Variants in ANK2 observed in about 807,000 individuals in gnomAD.
ANK2 encodes the protein ankyrin 2, also known as ankyrin-2.
In ANK2, 83 loss-of-function variants were observed where a neutral mutation model predicts 360.5. The observed-to-expected ratio is 0.23, with a 90% confidence interval of 0.19 to 0.28. ANK2 has a LOEUF of 0.28. ANK2 is among the 10% of genes least tolerant of loss of function. The pLI is 1.00. For missense variants in ANK2, 4,201 were observed against 4,795.7 expected, an observed-to-expected ratio of 0.88 and a Z score of 3.66; for synonymous variants, 1,740 against 1,759.5, an observed-to-expected ratio of 0.99 and a Z score of 0.28.
chr4:113,096,621 T>A (rs2091151525), intron 1 of ANK2, among the ~76,000 whole-genome samples: 1 of 152,206 alleles, frequency 6.6e-6, no homozygotes. Context: ...ATCACATAGT[T>A]ACATGACCAT....
intron 2 of ANK2, among the ~76,000 whole-genome samples, chr4:113,025,597 C>CA (rs1231374562): frequency 1.3e-5 from 2 of 152,202 alleles, no homozygotes; most frequent in Non-Finnish European, 2.9e-5. Context: ...ATCATGCCTT[C>CA]ATTCCTTCAA....
intron 2 of ANK2, among the ~76,000 whole-genome samples, chr4:112,998,265 G>A (rs939325301): frequency 3.3e-5 from 5 of 151,918 alleles, no homozygotes; most frequent in Non-Finnish European, 5.9e-5. Flanking sequence ...TCTGCCTTTT[G>A]TAGGTGCAAT....
the ANK2 span, among the ~76,000 whole-genome samples, chr4:112,740,703 A>G: frequency 1.3e-5 from 2 of 151,938 alleles, no homozygotes; most frequent in South Asian, 4.2e-4. Flanking sequence ...CTCCATCTCA[A>G]AAAAGAAGAA....
intron 27 of ANK2, 39 bp downstream of exon 27, chr4:113,330,509 G>T: frequency 6.3e-7 from 1 of 1,595,900 alleles, no homozygotes; most frequent in Non-Finnish European, 8.6e-7. Flanking sequence ...AGTCATCGAT[G>T]AGCTTGTGTC....
At chr4:112,813,689 C>T (rs532327723), upstream of ANK2, among the ~76,000 whole-genome samples, 1 of 152,232 alleles carries the variant, frequency 6.6e-6, no homozygotes, top group African/African-American at 2.4e-5. Context: ...GTGTGCACCA[C>T]CATGCCCAGC....
intron 1 of ANK2, among the ~76,000 whole-genome samples, chr4:112,857,959 G>A (rs1184143315): frequency 6.6e-6 from 1 of 152,118 alleles, no homozygotes; most frequent in Admixed American, 6.5e-5. Flanking sequence ...TAACTCAATA[G>A]GAAGTAGAAC....
chr4:112,716,977 T>C, the ANK2 span, among the ~76,000 whole-genome samples: 1 of 152,228 alleles, frequency 6.6e-6, no homozygotes, highest in South Asian at 2.1e-4. Context: ...TGTCAAGTGC[T>C]ACATCTGGAA....
At chr4:113,199,341 C>G (rs1270493709) in intron 4 of ANK2, among the ~76,000 whole-genome samples, 2 of 152,042 alleles carry the variant, frequency 1.3e-5, no homozygotes, top group African/African-American at 4.8e-5. Flanking sequence ...ATCATTGTCT[C>G]TAAGTATTTT....
At chr4:112,952,648 G>A (rs1217758022) in intron 2 of ANK2, among the ~76,000 whole-genome samples, 1 of 152,086 alleles carries the variant, frequency 6.6e-6, no homozygotes, top group Non-Finnish European at 1.5e-5. Context: ...AAGCCTTTGA[G>A]CATCTTTTTA....
chr4:112,945,787 C>A (rs903914173), intron 2 of ANK2, among the ~76,000 whole-genome samples: 5 of 152,118 alleles, frequency 3.3e-5, no homozygotes, highest in Non-Finnish European at 7.4e-5. Context: ...ACATGAGGAG[C>A]CGAAGCTTTA....
Position 113,348,268 on chromosome 4 carries a change from G to A in ANK2, c.4372-8G>A, listed in dbSNP as rs771323413. On this transcript the variant is annotated splice_region_variant and splice_polypyrimidine_tract_variant and intron_variant, in intron 35 of 45. Transcript: ENST00000357077. ...TTTCCATCTTGCATGGCATCTTGGG[G>A]CGGAAAGGAATCAGAGTCAGATCAA... is the stretch of plus-strand genomic sequence containing the variant. The A allele has an allele frequency of 1.4e-5, 22 of 1,613,066 alleles. No individual in the cohort carries two copies. The Admixed American group carries it at 2.2e-4, about 16-fold the overall frequency.
intron 1 of ANK2, among the ~76,000 whole-genome samples, chr4:113,125,346 T>TATAAAAATA: frequency 6.6e-6 from 1 of 152,162 alleles, no homozygotes; most frequent in African/African-American, 2.4e-5. Flanking sequence ...TCAAATATGA[T>TATAAAAATA]TTTTGCGTTT....
At chr4:113,028,803 C>T (rs2059795247) in intron 2 of ANK2, among the ~76,000 whole-genome samples, 1 of 152,054 alleles carries the variant, frequency 6.6e-6, no homozygotes, top group Admixed American at 6.6e-5. Context: ...ATTGTTTCCA[C>T]AATGAGGAAA....
the ANK2 span, among the ~76,000 whole-genome samples, chr4:112,756,863 C>T: frequency 6.6e-6 from 1 of 151,956 alleles, no homozygotes; most frequent in Non-Finnish European, 1.5e-5. Flanking sequence ...ATCCCAGCTA[C>T]TCAGGAGGCT....
At chr4:112,735,771 T>C in the ANK2 span, among the ~76,000 whole-genome samples, 1 of 152,212 alleles carries the variant, frequency 6.6e-6, no homozygotes, top group Non-Finnish European at 1.5e-5. Flanking sequence ...CACATTGTTC[T>C]GCAACTAATT....
chr4:112,815,575 A>G (rs1218859579), upstream of ANK2, among the ~76,000 whole-genome samples: 4 of 152,210 alleles, frequency 2.6e-5, no homozygotes, highest in Non-Finnish European at 5.9e-5. Context: ...CCTGCCCTAG[A>G]TAGCTTCAGG....
intron 1 of ANK2, among the ~76,000 whole-genome samples, chr4:113,083,811 G>A (rs1001481152): frequency 6.6e-6 from 1 of 152,110 alleles, no homozygotes; most frequent in Non-Finnish European, 1.5e-5. Context: ...TCAATTAATA[G>A]AGTTTTTTTT....
At chr4:113,279,559 T>A (rs2061463903) in intron 17 of ANK2, among the ~76,000 whole-genome samples, 1 of 151,798 alleles carries the variant, frequency 6.6e-6, no homozygotes, top group Non-Finnish European at 1.5e-5. Context: ...CCCAAAGCAA[T>A]AGAGGGAGAT....
chr4:113,317,914 C>A, intron 25 of ANK2, 105 bp downstream of exon 25: 1 of 923,854 alleles, frequency 1.1e-6, no homozygotes, highest in Non-Finnish European at 1.7e-6. Context: ...CAAAATCATT[C>A]CCAATTCAGT....
Sources: gnomAD v4.1 joint callset for allele counts (sites outside exome capture counted in the v4.1 genomes callset) on GRCh38, gnomAD v4.1.1 for gene constraint, MANE v1.5 for transcripts, NCBI Gene and HGNC (gene_info 2026-07-23, HGNC 2026-07-21) for gene names.